Variants in PCDHA10 observed in about 807,000 individuals in gnomAD.
PCDHA10 encodes protocadherin alpha-10.
PCDHA10 carries 45 observed loss-of-function variants against 61.2 expected under a neutral mutation model. The observed-to-expected ratio is 0.74, with a 90% CI of 0.58 to 0.94. PCDHA10 has a LOEUF of 0.94. Ranked by LOEUF, PCDHA10 falls within the 40% of genes least tolerant of loss-of-function variation. The pLI is 0.00. For synonymous variants in PCDHA10, 602 were observed against 548.8 expected, an observed-to-expected ratio of 1.10 and a Z score of -1.35; for missense variants, 1,278 against 1,236.2, an observed-to-expected ratio of 1.03 and a Z score of -0.51.
At chr5:140,999,476 A>G (rs1209910607) in intron 3 of PCDHA10, among the ~76,000 whole-genome samples, 6 of 152,124 alleles carry the variant, frequency 3.9e-5, no homozygotes, top group African/African-American at 1.2e-4. Flanking sequence ...GCAGATTCCA[A>G]CTCAAGTCTA....
rs782793736 is a variant in PCDHA10 at position 140,858,157 on chromosome 5, C to T, written c.2109C>T (p.Cys703=). 1.3e-6 allele frequency: 2 copies of T among 1,597,628 alleles called. No individual in the cohort carries two copies. Among genetic ancestry groups the T allele is most frequent in the Admixed American group, 1.7e-5 (1 of 59,346 alleles). Residue 703 remains cysteine (C), a synonymous_variant, in exon 1 of 4, where the codon TGC becomes TGT. Transcript: ENST00000307360. ...DVNVYLIIAI[C]AVSSLLVLTL... is the part of the protein sequence containing the mutation. ...ACGTGTACCTGATCATCGCCATCTG[C>T]GCGGTGTCCAGCTTGCTGGTGCTCA...
At chr5:140,942,619 TAA>T (rs35075175) in intron 1 of PCDHA10, among the ~76,000 whole-genome samples, 10 of 148,966 alleles carry the variant, frequency 6.7e-5, no homozygotes, top group Middle Eastern at 3.4e-3. Context: ...TTGCCAATTG[TAA>T]AAAAAAAAAT....
At chr5:140,894,365 A>G (rs1375287003) in intron 1 of PCDHA10, among the ~76,000 whole-genome samples, 4 of 151,966 alleles carry the variant, frequency 2.6e-5, no homozygotes, top group African/African-American at 7.2e-5. Context: ...TTCTTCTTCA[A>G]TGGCTCCAAT....
rs1335716065 is a variant in PCDHA10 at position 140,875,555 on chromosome 5, G to A, written c.2388+17119G>A. On this transcript the variant is annotated intron_variant, in intron 1 of 3. Coordinates refer to ENST00000307360, the MANE Select transcript of PCDHA10 (RefSeq NM_018901.4). ...CTCCTTGCAGCCTGGGAGGTGGGGA[G>A]CGGCCAGCTCCACTACTCCGTCTAC... is the stretch of plus-strand genomic sequence containing the variant. 5 of 1,614,018 alleles carry A rather than the reference G, an allele frequency of 3.1e-6. No individual in the cohort carries two copies. In the East Asian group the frequency reaches 6.7e-5, roughly 22 times the overall value.
At position 140,982,510 on chromosome 5, in the gene PCDHA10, C is replaced by T; in HGVS notation, c.2483C>T (p.Ala828Val). 6.2e-7 allele frequency: 1 copy of T among 1,614,170 alleles called. No homozygotes were observed. The highest frequency in any genetic ancestry group is 8.5e-7 in the Non-Finnish European group (1 of 1,180,020). The change falls in exon 3 of 4, where the codon GCT becomes GTT. Residue 828 changes from alanine to valine, a missense_variant. Ala to Val is a moderately conservative substitution (Grantham distance 64, BLOSUM62 0). Coordinates refer to ENST00000307360, the MANE Select transcript of PCDHA10 (RefSeq NM_018901.4). ...CTAGAGGAGGCTGGCATTCTACGGGCTGGTCCAGGAGGGCCTGATCAGCAG... is the reference window on the plus strand; with the variant it reads ...CTAGAGGAGGCTGGCATTCTACGGGTTGGTCCAGGAGGGCCTGATCAGCAG... ...VHLEEAGILR[A>V]GPGGPDQQWP...
At chr5:140,967,320 A>G in intron 1 of PCDHA10, 6 of 1,609,774 alleles carry the variant, frequency 3.7e-6, no homozygotes, top group Non-Finnish European at 5.1e-6. Context: ...GTACAGACCT[A>G]CGAGCTCAGC....
intron 1 of PCDHA10, chr5:140,882,524 G>C (rs1340644606): frequency 9.9e-6 from 16 of 1,614,090 alleles, no homozygotes; most frequent in African/African-American, 2.7e-5. Context: ...CATTTTGTTT[G>C]TGAATTCTCG....
chr5:140,876,250 A>T, intron 1 of PCDHA10: 1 of 1,614,046 alleles, frequency 6.2e-7, no homozygotes, highest in South Asian at 1.1e-5. Flanking sequence ...AAACGACACA[A>T]GAGTGATCCA....
intron 1 of PCDHA10, chr5:140,883,531 T>C (rs782406173): frequency 6.8e-6 from 11 of 1,614,092 alleles, no homozygotes; most frequent in Middle Eastern, 1.6e-4. Flanking sequence ...TATCAGCCTA[T>C]GAACTGGTGG....
chr5:140,940,499 G>A (rs190058542), intron 1 of PCDHA10, among the ~76,000 whole-genome samples: 23 of 151,756 alleles, frequency 1.5e-4, no homozygotes, highest in African/African-American at 3.9e-4. Context: ...GTCTTGCTCC[G>A]TCGCTCAGGC....
intron 1 of PCDHA10, among the ~76,000 whole-genome samples, chr5:140,944,948 A>T (rs1425847139): frequency 6.6e-6 from 1 of 152,200 alleles, no homozygotes; most frequent in African/African-American, 2.4e-5. Context: ...ATGATTGTGA[A>T]TAAGAGTATT....
chr5:140,857,588 G>A lies in PCDHA10; in HGVS notation c.1540G>A (p.Gly514Ser), dbSNP rs2044704730. The A allele has an allele frequency of 1.3e-6, 2 of 1,596,484 alleles. No individual in the cohort carries two copies. The highest frequency in any genetic ancestry group is 1.3e-5 in the African/African-American group (1 of 74,324). Residue 514 changes from glycine to serine, a missense_variant, in exon 1 of 4, where the codon GGC (glycine) becomes AGC (serine). Coordinates refer to ENST00000307360, the MANE Select transcript of PCDHA10 (RefSeq NM_018901.4). The stretch of plus-strand genomic sequence containing the variant: ...CTACGTGTCGGTGCACGCGGAGAGC[G>A]GCAAGGTGTACGCGCTGCAGCCGCT... Reference protein sequence around the residue: ...SSYVSVHAESGKVYALQPLDH... With the variant: ...SSYVSVHAESSKVYALQPLDH...
At chr5:140,863,741 G>T in intron 1 of PCDHA10, 1 of 249,706 alleles carries the variant, frequency 4.0e-6, no homozygotes, top group East Asian at 1.0e-4. Context: ...ATGCCTATTT[G>T]TAATCCCGGC....
intron 2 of PCDHA10, among the ~76,000 whole-genome samples, chr5:140,980,460 T>G (rs1554241839): frequency 6.6e-6 from 1 of 152,134 alleles, no homozygotes; most frequent in Non-Finnish European, 1.5e-5. Flanking sequence ...TGAAACCCTG[T>G]CTCTACTAAA....
rs155802 is a variant in PCDHA10, at chr5:140,917,330, A to C, written c.2388+58894A>C. 5.0e-3 allele frequency among the ~76,000 whole-genome samples: 514 copies of C among 103,230 alleles called. 31 individuals carry two copies. The highest frequency in any genetic ancestry group is 8.4e-3 in the Non-Finnish European group (403 of 48,222). The allele number at this position is 103,230 out of a possible 152,430, so 67.7% of individuals were successfully genotyped here. A position where few individuals can be genotyped will look rare whatever the true frequency, so the allele number is the denominator to read the frequency against. On this transcript the variant is annotated intron_variant, in intron 1 of 3. Coordinates refer to ENST00000307360, the MANE Select transcript of PCDHA10 (RefSeq NM_018901.4). ...CAATTTGGTGTTCATGTGGCGGGGG[A>C]GGGGGGGGATGGTGTAGGCTTCTGT...
chr5:140,859,951 A>G (rs1376166288), intron 1 of PCDHA10: 3 of 151,970 alleles, frequency 2.0e-5, no homozygotes, highest in African/African-American at 7.3e-5. Context: ...ACTCATATCA[A>G]TTGTAAAAGT....
intron 1 of PCDHA10, chr5:140,882,876 A>G (rs1554175925): frequency 6.2e-7 from 1 of 1,614,238 alleles, no homozygotes. Flanking sequence ...CTGGACAGAG[A>G]GGAAATTCAG....
At chr5:140,858,713 G>A (rs1554151978) in intron 1 of PCDHA10, 3 of 521,676 alleles carry the variant, frequency 5.8e-6, no homozygotes, top group African/African-American at 3.9e-5. Context: ...TGTGATATAG[G>A]TTGCAGTTCT....
chr5:140,861,591 A>G, intron 1 of PCDHA10: 1 of 374,610 alleles, frequency 2.7e-6, no homozygotes, highest in South Asian at 2.5e-5. Context: ...TGTGGAGGTG[A>G]AAGTGAAGAA....
Sources: gnomAD v4.1 joint callset for allele counts (sites outside exome capture counted in the v4.1 genomes callset) on GRCh38, gnomAD v4.1.1 for gene constraint, MANE v1.5 for transcripts, NCBI Gene and HGNC (gene_info 2026-07-23, HGNC 2026-07-21) for gene names.